Variants in SLC39A12 observed in about 807,000 individuals in gnomAD.
SLC39A12 encodes solute carrier family 39 member 12, also known as zinc transporter ZIP12.
A neutral mutation model predicts 71.1 loss-of-function variants in SLC39A12; 63 were observed. That is an observed-to-expected ratio of 0.89 (90% CI 0.72 to 1.09). The LOEUF (loss-of-function observed/expected upper bound fraction) is 1.09, where lower values mean the gene tolerates loss of function less well. Among genes scored for constraint, SLC39A12 ranks in the 50% least tolerant of loss-of-function variants. SLC39A12 has a pLI of 0.00. For synonymous variants in SLC39A12, 351 were observed against 301.3 expected, an observed-to-expected ratio of 1.16 and a Z score of -1.71; for missense variants, 892 against 812.6, an observed-to-expected ratio of 1.10 and a Z score of -1.19.
chr10:17,991,870 C>T (rs999158262), intron 8 of SLC39A12, among the ~76,000 whole-genome samples: 1 of 151,974 alleles, frequency 6.6e-6, no homozygotes, highest in Non-Finnish European at 1.5e-5. Context: ...AGGCGGATCA[C>T]CTGAGGTCAG....
chr10:17,999,517 G>A (rs142206143), intron 10 of SLC39A12, among the ~76,000 whole-genome samples: 6 of 152,158 alleles, frequency 3.9e-5, no homozygotes, highest in East Asian at 1.9e-4. Context: ...TTTGTGAGTC[G>A]TTCAACTCTA....
intron 12 of SLC39A12, among the ~76,000 whole-genome samples, chr10:18,029,920 G>A (rs943939055): frequency 1.3e-5 from 2 of 151,472 alleles, no homozygotes; most frequent in African/African-American, 4.8e-5. Flanking sequence ...TGGAGATTAA[G>A]AGAAGGTGGA....
rs1474698255 is a variant in SLC39A12, at chr10:18,042,938, C to G, written c.*105C>G. 3.5e-5 allele frequency: 31 copies of G among 883,630 alleles called. No homozygotes were observed. Among genetic ancestry groups the G allele is most frequent in the Non-Finnish European group, 4.1e-5 (26 of 636,286 alleles). 54.7% of individuals were successfully genotyped at this position (883,630 alleles called of 1,614,324 possible). The stretch of plus-strand genomic sequence containing the variant: ...TAAATTAAGAATTTTTTATCTTAGG[C>G]AAAGTGTGTCTCTTTCAATTCATTA... On this transcript the variant is annotated 3_prime_UTR_variant, in exon 13 of 13. Transcript: ENST00000377369.
At chr10:17,984,359 G>T (rs1375554306) in intron 6 of SLC39A12, among the ~76,000 whole-genome samples, 1 of 152,236 alleles carries the variant, frequency 6.6e-6, no homozygotes, top group East Asian at 1.9e-4. Context: ...GAGTTGGGGT[G>T]TAGCAAAATA....
At chr10:18,016,568 A>G (rs1414621009) in intron 12 of SLC39A12, among the ~76,000 whole-genome samples, 3 of 152,332 alleles carry the variant, frequency 2.0e-5, no homozygotes, top group South Asian at 2.1e-4. Context: ...GCCAAGAAAT[A>G]TGATTGCTGG....
rs968690640 is a variant in SLC39A12 at position 18,042,727 on chromosome 10, A to G, written c.1970A>G (p.Gln657Arg). The part of the protein sequence containing the change: ...VEMLPEMTHV[Q>R]TQRPWMMFLL... ...TAGCTTCCTGAAATGACTCATGTTC[A>G]AACACAACGACCCTGGATGATGTTT... is the stretch of plus-strand genomic sequence containing the variant. The change falls in exon 13 of 13, where the codon CAA becomes CGA. Residue 657 changes from glutamine to arginine, a missense_variant. By Grantham distance (43) the Gln-to-Arg change is conservative (BLOSUM62 1). Transcript: ENST00000377369. 4.3e-6 allele frequency: 7 copies of G among 1,609,840 alleles called. No homozygotes were observed. The highest frequency in any genetic ancestry group is 5.1e-6 in the Non-Finnish European group (6 of 1,178,444).
intron 4 of SLC39A12, among the ~76,000 whole-genome samples, chr10:17,974,329 G>A (rs936481618): frequency 2.0e-5 from 3 of 152,002 alleles, no homozygotes; most frequent in South Asian, 2.1e-4. Context: ...GTAGATATTC[G>A]TTTGTGTCTG....
At position 18,000,553 on chromosome 10, in the gene SLC39A12, C is replaced by T. The variant is rs1167201737; in HGVS notation, c.1601-114C>T. 1.8e-5 allele frequency: 17 copies of T among 955,944 alleles called. No homozygotes were observed. The Admixed American group carries it at 3.6e-4, about 20-fold the overall frequency. 59.2% of individuals were successfully genotyped at this position (955,944 alleles called of 1,614,324 possible). A position where few individuals can be genotyped will look rare whatever the true frequency, so the allele number is the denominator to read the frequency against. ...CGGAAACAAAGTGATGTTATTTAAT[C>T]AGATGGAATATAAGAATGTCAAGTG... On this transcript the variant is annotated intron_variant, in intron 10 of 12. Transcript: ENST00000377369.
chr10:18,031,075 C>A (rs1836834412), intron 12 of SLC39A12, among the ~76,000 whole-genome samples: 1 of 148,738 alleles, frequency 6.7e-6, no homozygotes, highest in Non-Finnish European at 1.5e-5. Flanking sequence ...GGTTCCAAGT[C>A]TTTGCTATTG....
rs760594150 is a variant in SLC39A12, at chr10:17,977,941, C to G, written c.791C>G (p.Thr264Ser). 6.2e-7 allele frequency: 1 copy of G among 1,610,946 alleles called. No individual in the cohort carries two copies. Among genetic ancestry groups the G allele is most frequent in the East Asian group, 2.2e-5 (1 of 44,784 alleles). ...QLLNTLWTRS[T>S]CIKNEKIHQF... ...CTCAACACTCTCTGGACCAGAAGTA[C>G]TTGTATCAAAAATGAGAAAATCCAT... is the stretch of plus-strand genomic sequence containing the variant. Residue 264 changes from threonine to serine, a missense_variant, in exon 5 of 13, where the codon ACT becomes AGT. Coordinates refer to ENST00000377369, the MANE Select transcript of SLC39A12 (RefSeq NM_001145195.2).
rs371382920 is a variant in SLC39A12, at chr10:17,953,411, C to A, written c.135C>A (p.Asp45Glu). The change falls in exon 2 of 13, where the codon GAC (aspartate) becomes GAA (glutamate). Residue 45 changes from aspartate to glutamate, a missense_variant. Asp to Glu is a conservative substitution (Grantham distance 45). Transcript: ENST00000377369. Reference protein sequence around the residue: ...RSRGSSGQPADLLQVLSAGDH... With the variant: ...RSRGSSGQPAELLQVLSAGDH... ...GTGGGAGTTCAGGCCAACCGGCAGACCTGCTACAGGTTCTCTCTGCTGGTG... is the reference window on the plus strand; with the variant it reads ...GTGGGAGTTCAGGCCAACCGGCAGAACTGCTACAGGTTCTCTCTGCTGGTG... The A allele has an allele frequency of 9.9e-6, 16 of 1,614,052 alleles. No individual in the cohort carries two copies. Among genetic ancestry groups the A allele is most frequent in the African/African-American group, 6.7e-5 (5 of 74,912 alleles).
chr10:18,026,212 T>C (rs1335310046), intron 12 of SLC39A12, among the ~76,000 whole-genome samples: 1 of 152,214 alleles, frequency 6.6e-6, no homozygotes, highest in Non-Finnish European at 1.5e-5. Context: ...CTGAAGAATT[T>C]TTAACATTTC....
chr10:17,961,505 C>T (rs782686493), intron 2 of SLC39A12, 76 bp from the exon 3 acceptor site: 57 of 1,385,990 alleles, frequency 4.1e-5, no homozygotes, highest in Non-Finnish European at 5.5e-5. Flanking sequence ...AATGAAGACC[C>T]TGGTGGTCAT....
intron 12 of SLC39A12, among the ~76,000 whole-genome samples, chr10:18,022,402 C>G: frequency 6.6e-6 from 1 of 151,590 alleles, no homozygotes; most frequent in Non-Finnish European, 1.5e-5. Context: ...ATATTCTTTC[C>G]TCATCTTGGT....
chr10:18,041,769 A>ATATGTG, intron 12 of SLC39A12, among the ~76,000 whole-genome samples: 1 of 140,200 alleles, frequency 7.1e-6, no homozygotes, highest in African/African-American at 2.6e-5. Flanking sequence ...ATACATATGT[A>ATATGTG]TACATATGTA....
chr10:17,980,637 A>T (rs1159118299), intron 5 of SLC39A12, among the ~76,000 whole-genome samples: 1 of 152,122 alleles, frequency 6.6e-6, no homozygotes, highest in Admixed American at 6.5e-5. Context: ...CTCTCTCATA[A>T]ATATGCCTAT....
intron 9 of SLC39A12, among the ~76,000 whole-genome samples, chr10:17,995,032 A>T (rs2130831788): frequency 6.6e-6 from 1 of 152,344 alleles, no homozygotes; most frequent in East Asian, 1.9e-4. Flanking sequence ...CTTACCTCAT[A>T]AAGTCAATTT....
chr10:17,983,508 G>A (rs900633155), intron 6 of SLC39A12, among the ~76,000 whole-genome samples: 15 of 152,006 alleles, frequency 9.9e-5, no homozygotes, highest in African/African-American at 3.4e-4. Context: ...CCTAGGCCGG[G>A]CACAGTGGCT....
At chr10:17,999,876 C>T (rs1261741969) in intron 10 of SLC39A12, among the ~76,000 whole-genome samples, 1 of 152,184 alleles carries the variant, frequency 6.6e-6, no homozygotes, top group African/African-American at 2.4e-5. Flanking sequence ...GGAACCAAAA[C>T]AATCACACAG....
Sources: allele counts gnomAD v4.1 joint callset (sites outside exome capture counted in the v4.1 genomes callset), GRCh38; gene constraint gnomAD v4.1.1; transcripts MANE v1.5; gene names NCBI Gene and HGNC (gene_info 2026-07-23, HGNC 2026-07-21).